The following COL19A1 variants were observed in gnomAD, a reference collection of about 807,000 sequenced individuals.
COL19A1 encodes the protein collagen alpha-1(XIX) chain.
In COL19A1, 159 loss-of-function variants were observed where a neutral mutation model predicts 190.2. That is an observed-to-expected ratio of 0.84 (90% confidence interval 0.73 to 0.95). The LOEUF is 0.95. Ranked by LOEUF, COL19A1 falls within the 40% of genes least tolerant of loss-of-function variation. The pLI is 0.00. For missense variants in COL19A1, 1,418 were observed against 1,431.9 expected (o/e 0.99, Z 0.16); for synonymous variants, 509 against 458.9 (o/e 1.11, Z -1.39).
intron 14 of COL19A1, among the ~76,000 whole-genome samples, chr6:70,036,959 C>T (rs1469578040): frequency 6.6e-6 from 1 of 152,086 alleles, no homozygotes; most frequent in African/African-American, 2.4e-5. Flanking sequence ...ATTGTTACAA[C>T]TCCCACATAA....
intron 7 of COL19A1, among the ~76,000 whole-genome samples, chr6:69,936,512 T>A (rs567553988): frequency 1.3e-5 from 2 of 152,120 alleles, no homozygotes; most frequent in Non-Finnish European, 2.9e-5. Context: ...TCTGTACTTA[T>A]CAAAAAGTTA....
At chr6:70,192,121 C>A (rs1037143847) in intron 48 of COL19A1, among the ~76,000 whole-genome samples, 105 of 152,024 alleles carry the variant, frequency 6.9e-4, no homozygotes, top group Non-Finnish European at 3.4e-4. Context: ...AGTGCAATGA[C>A]GCGATCTCAG....
At chr6:69,962,010 G>T (rs1191624677) in intron 10 of COL19A1, among the ~76,000 whole-genome samples, 1 of 152,170 alleles carries the variant, frequency 6.6e-6, no homozygotes, top group Non-Finnish European at 1.5e-5. Flanking sequence ...GGAAATGCTT[G>T]CTGAATGCTT....
chr6:70,168,358 A>G (rs1765294504), intron 39 of COL19A1, 143 bp downstream of exon 39: 1 of 823,154 alleles, frequency 1.2e-6, no homozygotes, highest in African/African-American at 1.7e-5. Context: ...AAGTAAAACC[A>G]ATTATAATAA....
chr6:70,195,626 C>A (rs1232432336), intron 48 of COL19A1, among the ~76,000 whole-genome samples: 1 of 152,148 alleles, frequency 6.6e-6, no homozygotes, highest in East Asian at 1.9e-4. Context: ...TGGGGAGAGG[C>A]ACCTGCCTAG....
intron 11 of COL19A1, among the ~76,000 whole-genome samples, chr6:69,971,919 C>T (rs1582565472): frequency 6.6e-6 from 1 of 152,192 alleles, no homozygotes; most frequent in Non-Finnish European, 1.5e-5. Flanking sequence ...CAAAACTATT[C>T]ATGTGGCTTC....
chr6:70,161,015 G>C (rs906626075), intron 34 of COL19A1, among the ~76,000 whole-genome samples: 1 of 152,048 alleles, frequency 6.6e-6, no homozygotes, highest in African/African-American at 2.4e-5. Flanking sequence ...AATTACATAA[G>C]TTAGCTAATC....
intron 15 of COL19A1, among the ~76,000 whole-genome samples, chr6:70,071,811 T>C (rs1781575249): frequency 1.3e-5 from 2 of 152,180 alleles, no homozygotes; most frequent in South Asian, 4.1e-4. Flanking sequence ...AAAAAGGCCG[T>C]ACAGAACCAA....
At chr6:70,044,787 T>C (rs1432392938) in intron 14 of COL19A1, among the ~76,000 whole-genome samples, 1 of 152,204 alleles carries the variant, frequency 6.6e-6, no homozygotes, top group Non-Finnish European at 1.5e-5. Context: ...AATTCCATCT[T>C]CTTGGGAATG....
intron 14 of COL19A1, among the ~76,000 whole-genome samples, chr6:70,042,071 A>T (rs76396168): frequency 0.4 from 61,192 of 151,884 alleles, 14,198 homozygotes; most frequent in Non-Finnish European, 0.53. Context: ...TCTCAAATAA[A>T]ATAAAATAAA....
chr6:70,135,055 C>T (rs949088794), intron 18 of COL19A1, among the ~76,000 whole-genome samples: 1 of 152,128 alleles, frequency 6.6e-6, no homozygotes, highest in Admixed American at 6.5e-5. Flanking sequence ...TGGAATGGCT[C>T]ACAGAACTCA....
intron 5 of COL19A1, among the ~76,000 whole-genome samples, chr6:69,928,621 A>C (rs1772550012): frequency 6.6e-6 from 1 of 152,164 alleles, no homozygotes; most frequent in South Asian, 2.1e-4. Context: ...GTGCAGTGGT[A>C]GAGTTAAGCT....
chr6:69,873,684 C>T (rs1231989067), intron 1 of COL19A1, among the ~76,000 whole-genome samples: 1 of 152,148 alleles, frequency 6.6e-6, no homozygotes, highest in East Asian at 1.9e-4. Context: ...TTGCCCTGTA[C>T]CCACCCTCAT....
At position 70,059,646 on chromosome 6, in the gene COL19A1, A is replaced by G. The variant is rs74478366; in HGVS notation, c.1171-8777A>G. The G allele has an allele frequency of 5.3e-4, 166 of 312,626 alleles. 1 individual carries two copies. The highest frequency in any genetic ancestry group is 3.6e-3 in the African/African-American group (159 of 44,536). 19.4% of individuals were successfully genotyped at this position (312,626 alleles called of 1,614,324 possible). On this transcript the variant is annotated intron_variant, in intron 14 of 50. Transcript: ENST00000620364. ...TTTTTTGCTTATTTTTATCTTAGCC[A>G]AAAGAGGTAACAGCCTTATGAATTC...
chr6:70,102,665 A>T (rs1046879794), intron 16 of COL19A1, among the ~76,000 whole-genome samples: 1 of 152,180 alleles, frequency 6.6e-6, no homozygotes. Context: ...GATTTGGTAA[A>T]AAGTGCTATA....
intron 17 of COL19A1, among the ~76,000 whole-genome samples, chr6:70,128,957 C>T (rs368250588): frequency 6.6e-6 from 1 of 152,106 alleles, no homozygotes; most frequent in East Asian, 1.9e-4. Context: ...GGGATGGCTC[C>T]CAGATCCTTG....
At chr6:70,038,916 G>A (rs1471690167) in intron 14 of COL19A1, among the ~76,000 whole-genome samples, 1 of 152,076 alleles carries the variant, frequency 6.6e-6, no homozygotes, top group East Asian at 1.9e-4. Context: ...AATTAGCTGG[G>A]CATGGTGGTG....
At chr6:70,022,293 A>G (rs1009813954) in intron 11 of COL19A1, among the ~76,000 whole-genome samples, 2 of 152,284 alleles carry the variant, frequency 1.3e-5, no homozygotes, top group Admixed American at 1.3e-4. Context: ...TTCTATACAT[A>G]TTCTTTTATT....
intron 9 of COL19A1, among the ~76,000 whole-genome samples, chr6:69,959,272 T>A (rs74642662): frequency 0.086 from 13,042 of 152,156 alleles, 658 homozygotes; most frequent in East Asian, 0.2. Context: ...AGTAATTGCT[T>A]TATATTAAAT....
Sources: allele counts gnomAD v4.1 joint callset (sites outside exome capture counted in the v4.1 genomes callset), GRCh38; gene constraint gnomAD v4.1.1; transcripts MANE v1.5; gene names NCBI Gene and HGNC (gene_info 2026-07-23, HGNC 2026-07-21).